NFILZ: variants seen among roughly 807,000 people sequenced by gnomAD.
NFILZ encodes the protein NFIL3 like basic leucine zipper, also known as NFIL3 like protein.
At chr19:8,643,643 T>C (rs1555746836) in intron 3 of NFILZ, among the ~76,000 whole-genome samples, 1 of 152,210 alleles carries the variant, frequency 6.6e-6, no homozygotes. Flanking sequence ...ATTGATCTTC[T>C]ACCCCTGGTG....
Position 8,669,105 on chromosome 19 carries a change from G to A in NFILZ, c.-163-5446G>A, listed in dbSNP as rs951055110. 7.9e-5 allele frequency among the ~76,000 whole-genome samples: 12 copies of A among 152,102 alleles called. No homozygotes were observed. In the East Asian group the frequency reaches 1.9e-3, roughly 25 times the overall value. On this transcript the variant is annotated intron_variant, in intron 3 of 5. Transcript: ENST00000691075. The stretch of plus-strand genomic sequence containing the variant: ...ACTACAGGCGTGCACTACCATGCCC[G>A]GCTAATTTTTGTATTTTTTAGTAGA...
intron 4 of NFILZ, among the ~76,000 whole-genome samples, chr19:8,675,583 C>A (rs1361870777): frequency 2.0e-5 from 3 of 152,136 alleles, no homozygotes; most frequent in South Asian, 2.1e-4. Flanking sequence ...ACCTGGGCAA[C>A]AAAGTGAGAC....
intron 3 of NFILZ, among the ~76,000 whole-genome samples, chr19:8,664,884 A>AC (rs1396459099): frequency 2.6e-5 from 4 of 151,604 alleles, no homozygotes; most frequent in African/African-American, 9.7e-5. Context: ...CTGCTTGCAC[A>AC]CCCCCTGTGA....
Position 8,647,783 on chromosome 19 carries a change from G to A in NFILZ, c.-164+12037G>A, listed in dbSNP as rs1343098441. Among the ~76,000 whole-genome samples the A allele has an allele frequency of 9.1e-4, 37 of 40,848 alleles. 1 individual carries two copies. Among genetic ancestry groups the A allele is most frequent in the South Asian group, 1.7e-3 (2 of 1,168 alleles). 26.8% of individuals were successfully genotyped at this position (40,848 alleles called of 152,430 possible). ...CACACACACACACGCACACATGCGCGCGCGCGCGCGCGCACACACACACAC... is the reference window on the plus strand; with the variant it reads ...CACACACACACACGCACACATGCGCACGCGCGCGCGCGCACACACACACAC... On this transcript the variant is annotated intron_variant, in intron 3 of 5. Coordinates refer to ENST00000691075, the MANE Select transcript of NFILZ (RefSeq NM_001378600.1).
At chr19:8,663,742 G>GTGTATGTGTGTGTGTATGTGTGTA (rs2043046166) in intron 3 of NFILZ, among the ~76,000 whole-genome samples, 1 of 83,908 alleles carries the variant, frequency 1.2e-5, no homozygotes, top group African/African-American at 6.5e-5. Context: ...GTGTGTGTGT[G>GTGTATGTGTGTGTGTATGTGTGTA]TGTGTGTGTG....
chr19:8,636,462 T>TTGA (rs1287932353), intron 3 of NFILZ, among the ~76,000 whole-genome samples: 10 of 143,576 alleles, frequency 7.0e-5, no homozygotes, highest in African/African-American at 2.3e-4. Context: ...TTTTTTTTTT[T>TTGA]GAAACAGAGT....
At chr19:8,636,037 G>A (rs557751312) in intron 3 of NFILZ, among the ~76,000 whole-genome samples, 27 of 151,996 alleles carry the variant, frequency 1.8e-4, no homozygotes, top group African/African-American at 6.0e-4. Context: ...GGGTTTCACC[G>A]TATTGCCCAG....
chr19:8,654,141 A>G (rs1267839153), intron 3 of NFILZ, among the ~76,000 whole-genome samples: 1 of 152,152 alleles, frequency 6.6e-6, no homozygotes, highest in Non-Finnish European at 1.5e-5. Flanking sequence ...CTGAGGCAGG[A>G]GAATCACTTG....
intron 3 of NFILZ, among the ~76,000 whole-genome samples, chr19:8,669,072 T>G (rs1311211874): frequency 6.6e-6 from 1 of 152,088 alleles, no homozygotes; most frequent in African/African-American, 2.4e-5. Context: ...GTCTCCCGAG[T>G]AGCTGGGACT....
At position 8,653,043 on chromosome 19, in the gene NFILZ, TCTCTC is replaced by T. The variant is rs2042975788; in HGVS notation, c.-164+17298_-164+17302del. On this transcript the variant is annotated intron_variant, in intron 3 of 5. Transcript: ENST00000691075. ...TTCTTTCTTTCTTTCTTTCTTTCTC[TCTCTC>T]TCTCTCTCTCTCTCTCTCTCTCTCT... 7.5e-3 allele frequency among the ~76,000 whole-genome samples: 513 copies of T among 68,756 alleles called. 3 individuals carry two copies. The highest frequency in any genetic ancestry group is 0.01 in the South Asian group (19 of 1,814). 45.1% of individuals were successfully genotyped at this position (68,756 alleles called of 152,430 possible).
intron 3 of NFILZ, among the ~76,000 whole-genome samples, chr19:8,663,744 G>GTATA (rs1555749450): frequency 5.1e-4 from 62 of 121,880 alleles, no homozygotes; most frequent in African/African-American, 1.6e-3. Context: ...GTGTGTGTGT[G>GTATA]TGTGTGTGTG....
chr19:8,647,053 C>G (rs930601603), intron 3 of NFILZ, among the ~76,000 whole-genome samples: 2 of 152,084 alleles, frequency 1.3e-5, no homozygotes, highest in Admixed American at 1.3e-4. Context: ...GGTACTCCTG[C>G]CTTATAAGTT....
chr19:8,647,939 G>A (rs2042948892), intron 3 of NFILZ, among the ~76,000 whole-genome samples: 1 of 151,818 alleles, frequency 6.6e-6, no homozygotes, highest in African/African-American at 2.4e-5. Flanking sequence ...TTGGGAGGCC[G>A]AGGCGGGTGG....
rs576780131 is a variant in NFILZ at position 8,678,274 on chromosome 19, A to C, written c.*639A>C. 2.0e-5 allele frequency among the ~76,000 whole-genome samples: 3 copies of C among 146,788 alleles called. No homozygotes were observed. In the South Asian group the frequency reaches 6.7e-4, roughly 33 times the overall value. On this transcript the variant is annotated 3_prime_UTR_variant, in exon 6 of 6. Transcript: ENST00000691075. ...CCATTTATCCATCCTCCATTTATCC[A>C]TGCATCTATTCTCATTCATCCATGC... is the stretch of plus-strand genomic sequence containing the variant.
At chr19:8,667,688 C>A (rs1399755480) in intron 3 of NFILZ, among the ~76,000 whole-genome samples, 5 of 152,036 alleles carry the variant, frequency 3.3e-5, no homozygotes, top group Non-Finnish European at 7.4e-5. Context: ...GCTGGGATTA[C>A]AGGTGTCCAC....
intron 1 of NFILZ, among the ~76,000 whole-genome samples, chr19:8,631,308 T>C (rs1344805589): frequency 6.6e-6 from 1 of 151,854 alleles, no homozygotes. Flanking sequence ...CTCTCAGGGG[T>C]GGCCCAGTGG....
chr19:8,665,689 A>G (rs949087213), intron 3 of NFILZ, among the ~76,000 whole-genome samples: 1 of 152,210 alleles, frequency 6.6e-6, no homozygotes, highest in African/African-American at 2.4e-5. Flanking sequence ...TATACCTTCT[A>G]GGTACACAAG....
chr19:8,631,685 T>G (rs2042870193), intron 1 of NFILZ, among the ~76,000 whole-genome samples: 1 of 152,162 alleles, frequency 6.6e-6, no homozygotes. Context: ...CGCCAGGCCT[T>G]CGTGTCCAGC....
At chr19:8,658,317 C>A (rs1555748705) in intron 3 of NFILZ, among the ~76,000 whole-genome samples, 1 of 152,018 alleles carries the variant, frequency 6.6e-6, no homozygotes, top group African/African-American at 2.4e-5. Flanking sequence ...CTCCACCATG[C>A]CCTATTGATA....
Sources: gnomAD v4.1 joint callset for allele counts (sites outside exome capture counted in the v4.1 genomes callset) on GRCh38, gnomAD v4.1.1 for gene constraint, MANE v1.5 for transcripts, NCBI Gene and HGNC (gene_info 2026-07-23, HGNC 2026-07-21) for gene names.